CNST: variants seen among roughly 807,000 people sequenced by gnomAD.
CNST encodes consortin.
Under a neutral mutation model 72.4 loss-of-function variants are expected in CNST, and 39 were observed. That is an observed-to-expected ratio of 0.54 (90% CI 0.42 to 0.70). CNST has a LOEUF of 0.70. Among genes scored for constraint, CNST ranks in the 30% least tolerant of loss-of-function variants. The probability of loss-of-function intolerance (pLI) is 0.00; values close to 1 mark genes in which losing one functional copy is unlikely to be tolerated. For missense variants in CNST, 871 were observed against 868.5 expected (o/e 1.00, Z -0.04); for synonymous variants, 332 against 320.1 (o/e 1.04, Z -0.40).
At chr1:246,610,393 A>C (rs1489551570) in intron 2 of CNST, among the ~76,000 whole-genome samples, 1 of 151,826 alleles carries the variant, frequency 6.6e-6, no homozygotes, top group Non-Finnish European at 1.5e-5. Context: ...TTAGTTCTTC[A>C]TCTATGGTTT....
chr1:246,581,259 C>G (rs1194820409), intron 1 of CNST, among the ~76,000 whole-genome samples: 1 of 152,038 alleles, frequency 6.6e-6, no homozygotes, highest in Admixed American at 6.6e-5. Context: ...TGTATTTTTT[C>G]TACCCATACC....
chr1:246,578,835 A>G (rs1430158501), intron 1 of CNST, among the ~76,000 whole-genome samples: 4 of 152,230 alleles, frequency 2.6e-5, no homozygotes, highest in Admixed American at 6.5e-5. Flanking sequence ...CAAGCAGCAC[A>G]GAATCTGGAG....
intron 1 of CNST, among the ~76,000 whole-genome samples, chr1:246,581,017 G>A (rs570405904): frequency 6.6e-6 from 1 of 152,290 alleles, no homozygotes; most frequent in East Asian, 1.9e-4. Flanking sequence ...GGGATTACAG[G>A]CATGCGCCAC....
intron 2 of CNST, among the ~76,000 whole-genome samples, chr1:246,603,269 TAGG>T (rs538649579): frequency 5.4e-4 from 82 of 152,336 alleles, no homozygotes; most frequent in African/African-American, 1.8e-3. Flanking sequence ...AGTGGAAGCT[TAGG>T]TGGGAGTTTA....
intron 1 of CNST, among the ~76,000 whole-genome samples, chr1:246,576,425 T>C (rs575119262): frequency 6.7e-6 from 1 of 149,640 alleles, no homozygotes; most frequent in Non-Finnish European, 1.5e-5. Flanking sequence ...TTTTTTTGCA[T>C]GTCATAATTC....
chr1:246,619,231 T>A (rs1389302836), intron 2 of CNST, among the ~76,000 whole-genome samples: 1 of 152,102 alleles, frequency 6.6e-6, no homozygotes, highest in Non-Finnish European at 1.5e-5. Flanking sequence ...TTGGTACCCT[T>A]TTGGTTTTGC....
At chr1:246,662,235 C>T (rs1667137004) in intron 10 of CNST, among the ~76,000 whole-genome samples, 1 of 152,190 alleles carries the variant, frequency 6.6e-6, no homozygotes, top group African/African-American at 2.4e-5. Context: ...TCATAAACCT[C>T]ACCTTCTGCC....
chr1:246,612,624 A>T (rs950369961), intron 2 of CNST, among the ~76,000 whole-genome samples: 1 of 152,132 alleles, frequency 6.6e-6, no homozygotes, highest in Non-Finnish European at 1.5e-5. Context: ...CAGTGGTTCG[A>T]TCCAATAATC....
At chr1:246,664,828 A>G (rs930453876) in intron 10 of CNST, among the ~76,000 whole-genome samples, 35 of 152,296 alleles carry the variant, frequency 2.3e-4, no homozygotes, top group African/African-American at 7.7e-4. Flanking sequence ...GCATTCCTAC[A>G]CTTTAATCAT....
intron 8 of CNST, 52 bp from the exon 9 acceptor site, chr1:246,647,087 T>A: frequency 6.7e-7 from 1 of 1,500,456 alleles, no homozygotes; most frequent in Non-Finnish European, 9.1e-7. Flanking sequence ...TTTTCCTTCC[T>A]ATACAAAGTG....
rs922899294 is a variant in CNST, at chr1:246,604,676, GTTA to G, written c.379+12741_379+12743del. On this transcript the variant is annotated intron_variant, in intron 2 of 10. Coordinates refer to ENST00000366513, the MANE Select transcript of CNST (RefSeq NM_152609.3). ...TATATATATAATACTTATATTTATT[GTTA>G]TTATTTTGAGTTGCACTCTTGCTGT... 2.0e-3 allele frequency among the ~76,000 whole-genome samples: 297 copies of G among 151,316 alleles called. 3 individuals carry two copies. Among genetic ancestry groups the G allele is most frequent in the African/African-American group, 6.2e-3 (251 of 40,786 alleles).
chr1:246,584,419 G>A (rs34936435), intron 1 of CNST, among the ~76,000 whole-genome samples: 4,193 of 152,202 alleles, frequency 0.028, 74 homozygotes, highest in South Asian at 0.045. Flanking sequence ...GAAGAATGGC[G>A]GTGCAGTCAA....
intron 1 of CNST, among the ~76,000 whole-genome samples, chr1:246,582,730 C>T (rs1301317553): frequency 6.6e-6 from 1 of 152,202 alleles, no homozygotes; most frequent in Non-Finnish European, 1.5e-5. Context: ...TCATTCTGTA[C>T]TTCCTCACCT....
rs1021560211 is a variant in CNST at position 246,619,907 on chromosome 1, G to A, written c.380-1522G>A. 2.6e-4 allele frequency among the ~76,000 whole-genome samples: 37 copies of A among 141,552 alleles called. 1 individual carries two copies. Among genetic ancestry groups the A allele is most frequent in the Non-Finnish European group, 3.4e-4 (22 of 64,886 alleles). 92.9% of individuals were successfully genotyped at this position (141,552 alleles called of 152,430 possible). A position where few individuals can be genotyped will look rare whatever the true frequency, so the allele number is the denominator to read the frequency against. On this transcript the variant is annotated intron_variant, in intron 2 of 10. Coordinates refer to ENST00000366513, the MANE Select transcript of CNST (RefSeq NM_152609.3). ...CTCTACAGGGAGGACGGCTTCAGTC[G>A]TGCATACACACGATGGGCTCTGGGA...
intron 6 of CNST, among the ~76,000 whole-genome samples, chr1:246,635,273 C>T (rs1163972596): frequency 2.0e-5 from 3 of 151,728 alleles, no homozygotes; most frequent in Admixed American, 1.3e-4. Flanking sequence ...GTCGTTGTAG[C>T]AGGAGCATCG....
At chr1:246,602,988 C>G (rs983532001) in intron 2 of CNST, among the ~76,000 whole-genome samples, 2 of 151,900 alleles carry the variant, frequency 1.3e-5, no homozygotes, top group African/African-American at 2.4e-5. Context: ...ATCAATCAAA[C>G]CTTTCAAATT....
At chr1:246,654,181 C>T (rs1224322324) in intron 9 of CNST, among the ~76,000 whole-genome samples, 3 of 152,198 alleles carry the variant, frequency 2.0e-5, no homozygotes, top group African/African-American at 7.2e-5. Flanking sequence ...ATCTTCTGTC[C>T]TGGGGTCTCA....
At chr1:246,618,095 A>T (rs558881402) in intron 2 of CNST, among the ~76,000 whole-genome samples, 2 of 152,222 alleles carry the variant, frequency 1.3e-5, no homozygotes, top group South Asian at 4.1e-4. Context: ...ACTAGAAGAT[A>T]CTTGTATTAG....
chr1:246,587,184 G>A (rs898381357), intron 1 of CNST, among the ~76,000 whole-genome samples: 1 of 152,106 alleles, frequency 6.6e-6, no homozygotes, highest in Non-Finnish European at 1.5e-5. Context: ...GGCCGGTCTG[G>A]TACTCCCAGG....
Sources: allele counts gnomAD v4.1 joint callset (sites outside exome capture counted in the v4.1 genomes callset), GRCh38; gene constraint gnomAD v4.1.1; transcripts MANE v1.5; gene names NCBI Gene and HGNC (gene_info 2026-07-23, HGNC 2026-07-21).